The following GRM5 variants were observed in gnomAD, a reference collection of about 807,000 sequenced individuals.
GRM5 encodes the protein metabotropic glutamate receptor 5.
In GRM5, 19 loss-of-function variants were observed where a neutral mutation model predicts 83.1. The observed-to-expected ratio is 0.23, with a 90% CI of 0.16 to 0.34. GRM5 has a LOEUF of 0.34. GRM5 is among the 10% of genes least tolerant of loss of function. The pLI, the probability that GRM5 is intolerant of heterozygous loss-of-function variation, is 1.00. For missense variants in GRM5, 1,160 were observed against 1,588.3 expected (o/e 0.73, Z 4.58); for synonymous variants, 675 against 633.6 (o/e 1.07, Z -0.98).
At chr11:88,941,444 G>A (rs1341172568) in intron 2 of GRM5, among the ~76,000 whole-genome samples, 2 of 120,486 alleles carry the variant, frequency 1.7e-5, no homozygotes, top group Non-Finnish European at 3.6e-5. Context: ...GAATAGGGGA[G>A]AAGAGGGGAG....
chr11:88,974,713 T>G (rs1426726102), intron 2 of GRM5, among the ~76,000 whole-genome samples: 1 of 152,160 alleles, frequency 6.6e-6, no homozygotes, highest in Non-Finnish European at 1.5e-5. Context: ...TGCCCAATTT[T>G]ATGGTATTAC....
intron 2 of GRM5, among the ~76,000 whole-genome samples, chr11:88,864,871 GT>G (rs753659033): frequency 1.3e-5 from 2 of 152,044 alleles, no homozygotes; most frequent in African/African-American, 2.4e-5. Flanking sequence ...AGTTTTTAGC[GT>G]AAAGGGGTGT....
intron 3 of GRM5, among the ~76,000 whole-genome samples, chr11:88,778,845 C>A (rs1942915385): frequency 6.6e-6 from 1 of 152,130 alleles, no homozygotes; most frequent in Non-Finnish European, 1.5e-5. Context: ...TTATCTATCA[C>A]TAAGAAAATT....
chr11:88,912,783 A>G (rs1376139541), intron 2 of GRM5, among the ~76,000 whole-genome samples: 1 of 152,176 alleles, frequency 6.6e-6, no homozygotes, highest in Non-Finnish European at 1.5e-5. Flanking sequence ...AACAAACAAA[A>G]GCACTTGATA....
chr11:88,979,537 G>A (rs1355319674), intron 2 of GRM5, among the ~76,000 whole-genome samples: 3 of 152,146 alleles, frequency 2.0e-5, no homozygotes, highest in Non-Finnish European at 4.4e-5. Flanking sequence ...AGACTCTTTA[G>A]AGATGTCTGA....
At chr11:88,727,305 G>T (rs1158272614) in intron 3 of GRM5, among the ~76,000 whole-genome samples, 1 of 152,172 alleles carries the variant, frequency 6.6e-6, no homozygotes, top group Non-Finnish European at 1.5e-5. Context: ...ATTATATAAT[G>T]GTAACTGGAT....
At chr11:88,970,771 G>A (rs538013455) in intron 2 of GRM5, among the ~76,000 whole-genome samples, 4 of 152,264 alleles carry the variant, frequency 2.6e-5, no homozygotes, top group Admixed American at 2.6e-4. Context: ...CAGCTTTCAG[G>A]TGTTGTACAC....
intron 3 of GRM5, among the ~76,000 whole-genome samples, chr11:88,659,587 T>G (rs1269472199): frequency 1.3e-5 from 2 of 152,196 alleles, no homozygotes; most frequent in African/African-American, 2.4e-5. Context: ...TTTAACTTTA[T>G]AATTATTTCT....
intron 2 of GRM5, among the ~76,000 whole-genome samples, chr11:89,043,484 T>C (rs1438901313): frequency 6.6e-6 from 1 of 152,204 alleles, no homozygotes; most frequent in Non-Finnish European, 1.5e-5. Flanking sequence ...CACAGAAGTA[T>C]AGGCAAAGCA....
chr11:88,903,685 C>A (rs531107200), intron 2 of GRM5, among the ~76,000 whole-genome samples: 1 of 152,184 alleles, frequency 6.6e-6, no homozygotes, highest in African/African-American at 2.4e-5. Flanking sequence ...CAAGTAGGAA[C>A]TAAAATAACA....
At chr11:88,970,687 G>A (rs559338071) in intron 2 of GRM5, among the ~76,000 whole-genome samples, 1 of 152,220 alleles carries the variant, frequency 6.6e-6, no homozygotes, top group Non-Finnish European at 1.5e-5. Context: ...GGTATGATGA[G>A]TGTCACATAT....
At chr11:88,527,062 T>G (rs1439904293) in intron 8 of GRM5, among the ~76,000 whole-genome samples, 5 of 152,160 alleles carry the variant, frequency 3.3e-5, no homozygotes. Context: ...GTAGACTTAA[T>G]TTTACCAAGA....
Position 88,987,032 on chromosome 11 carries a change from C to T in GRM5, c.661+60180G>A, listed in dbSNP as rs187813609. Among the ~76,000 whole-genome samples the T allele has an allele frequency of 6.0e-4, 92 of 152,108 alleles. 1 individual carries two copies. In the East Asian group the frequency reaches 0.012, roughly 19 times the overall value. ...CAAGATGGCCGAATAGGAACAGCTCCGGTCTACAGCTCCCAGCGTGAGCAA... is the reference window on the plus strand; with the variant it reads ...CAAGATGGCCGAATAGGAACAGCTCTGGTCTACAGCTCCCAGCGTGAGCAA... On this transcript the variant is annotated intron_variant, in intron 2 of 9. Coordinates refer to ENST00000305447, the MANE Select transcript of GRM5 (RefSeq NM_001143831.3).
rs541439342 is a variant in GRM5, at chr11:88,701,727, T to C, written c.912-48324A>G. ...AGGTAGAACATCTTGAAGCAGGGGC[T>C]TACAGGTCATAAATGCGTTCTTTAA... On this transcript the variant is annotated intron_variant, in intron 3 of 9. Coordinates refer to ENST00000305447, the MANE Select transcript of GRM5 (RefSeq NM_001143831.3). Among the ~76,000 whole-genome samples, 5 of 152,238 alleles carry C rather than the reference T, an allele frequency of 3.3e-5. No individual in the cohort carries two copies. In the East Asian group the frequency reaches 7.7e-4, roughly 24 times the overall value.
intron 2 of GRM5, among the ~76,000 whole-genome samples, chr11:89,000,614 C>A (rs1940346946): frequency 6.6e-6 from 1 of 151,952 alleles, no homozygotes; most frequent in Non-Finnish European, 1.5e-5. Flanking sequence ...AAAAATAGAA[C>A]AAAGTTTTCA....
intron 3 of GRM5, among the ~76,000 whole-genome samples, chr11:88,720,819 T>C (rs2169663): frequency 0.032 from 3,867 of 122,730 alleles, 151 homozygotes; most frequent in African/African-American, 0.12. Flanking sequence ...TGTGTGTGTG[T>C]GCGTGTGTGT....
Position 88,508,768 on chromosome 11 carries a change from G to A in GRM5, c.3463C>T (p.Pro1155Ser). 6.7e-7 allele frequency: 1 copy of A among 1,496,540 alleles called. No homozygotes were observed. Among genetic ancestry groups the A allele is most frequent in the Non-Finnish European group, 8.8e-7 (1 of 1,130,290 alleles). The allele number at this position is 1,496,540 out of a possible 1,614,324, so 92.7% of individuals were successfully genotyped here. Residue 1155 changes from proline (P) to serine (S), a missense_variant, in exon 10 of 10, where the codon CCA (proline) becomes TCA (serine). Pro to Ser is a moderately conservative substitution (Grantham distance 74, BLOSUM62 -1). Transcript: ENST00000305447. This position sits in a 1 kb window ranked among gnomAD's most constrained non-coding sequence, Gnocchi z 4.2. ...AAGPEAAAAK[P>S]DLEELVALTP... ...AGAGCCACCAGCTCCTCCAGGTCTGGCTTGGCGGCCGCAGCCTCGGGACCG... is the reference window on the plus strand; with the variant it reads ...AGAGCCACCAGCTCCTCCAGGTCTGACTTGGCGGCCGCAGCCTCGGGACCG...
intron 8 of GRM5, among the ~76,000 whole-genome samples, chr11:88,536,124 C>A (rs994235853): frequency 6.6e-5 from 10 of 152,140 alleles, no homozygotes; most frequent in African/African-American, 2.4e-4. Flanking sequence ...CTGATTAGGT[C>A]ATGGGAAATG....
rs1311866760 is a variant in GRM5 at position 88,977,491 on chromosome 11, G to A, written c.661+69721C>T. ...CTCCCAAAGTGCTGGGATTACAGGC[G>A]TGAGCCAAAGTCTTTAAAAAACTGA... On this transcript the variant is annotated intron_variant, in intron 2 of 9. Transcript: ENST00000305447. Among the ~76,000 whole-genome samples the A allele has an allele frequency of 2.9e-4, 44 of 152,142 alleles. 1 individual carries two copies. Among genetic ancestry groups the A allele is most frequent in the Non-Finnish European group, 7.3e-5 (5 of 68,028 alleles).
Sources: gnomAD v4.1 joint callset for allele counts (sites outside exome capture counted in the v4.1 genomes callset) on GRCh38, gnomAD v4.1.1 for gene constraint, Gnocchi (gnomAD v3.1) non-coding constraint, MANE v1.5 for transcripts, NCBI Gene and HGNC (gene_info 2026-07-23, HGNC 2026-07-21) for gene names.